DISP2: variants seen among roughly 807,000 people sequenced by gnomAD.
DISP2 encodes the protein protein dispatched homolog 2.
Under a neutral mutation model 95.5 loss-of-function variants are expected in DISP2, and 59 were observed. That is an observed-to-expected ratio of 0.62 (90% CI 0.50 to 0.77). DISP2 has a LOEUF of 0.77. Ranked by LOEUF, DISP2 falls within the 30% of genes least tolerant of loss-of-function variation. DISP2 has a pLI of 0.00. For synonymous variants in DISP2, 827 were observed against 815.0 expected (o/e 1.01, Z -0.25); for missense variants, 1,752 against 1,854.6 (o/e 0.94, Z 1.02).
In DISP2 at chr15:40,358,358, G is replaced by A; in HGVS notation, c.37G>A (p.Gly13Ser). Residue 13 changes from glycine (G) to serine (S), a missense_variant, in exon 1 of 8, where the codon GGT becomes AGT. Gly to Ser is a moderately conservative substitution (Grantham distance 56). This residue lies in a region of DISP2 where 342 missense variants were observed against 364.3 expected (regional missense o/e 0.94). Coordinates refer to ENST00000267889, the MANE Select transcript of DISP2 (RefSeq NM_033510.3). The stretch of plus-strand genomic sequence containing the variant: ...CAGCAGCAGCAGCAGCGGCGGCAGC[G>A]GTCCGGCTCCCGGCCCGGGTCCGGA... ...GDSSSSSGGSGPAPGPGPEGE... is the reference protein window; with the variant it reads ...GDSSSSSGGSSPAPGPGPEGE... 1 of 1,385,002 alleles carries A rather than the reference G, an allele frequency of 7.2e-7. No homozygotes were observed. 85.8% of individuals were successfully genotyped at this position (1,385,002 alleles called of 1,614,324 possible).
chr15:40,374,100 T>C lies in DISP2; in HGVS notation c.*3782T>C, dbSNP rs1889693392. The C allele has an allele frequency of 6.6e-6, 1 of 150,754 alleles. No individual in the cohort carries two copies. The allele number at this position is 150,754 out of a possible 1,614,324, so 9.3% of individuals were successfully genotyped here. On this transcript the variant is annotated 3_prime_UTR_variant, in exon 8 of 8. Transcript: ENST00000267889. ...CATGGCTGTGGTGATTTGGGGACTT[T>C]TAGAGTGACAGTGTTAGACAGACTG...
Position 40,367,942 on chromosome 15 carries a change from C to T in DISP2, c.1830C>T (p.Ser610=). The T allele has an allele frequency of 6.3e-7, 1 of 1,587,040 alleles. No homozygotes were observed. The change falls in exon 8 of 8, where the codon AGC becomes AGT. Residue 610 remains serine, a synonymous_variant. Coordinates refer to ENST00000267889, the MANE Select transcript of DISP2 (RefSeq NM_033510.3). Reference sequence around the variant, plus strand: ...CGGCCTTCTATGCCAGCTACCTGAGCCGCCTGCCGGCCGTTCGCTGCCTCG... The same window carrying T: ...CGGCCTTCTATGCCAGCTACCTGAGTCGCCTGCCGGCCGTTCGCTGCCTCG... ...TSAAFYASYL[S]RLPAVRCLAL...
chr15:40,360,779 A>G, intron 1 of DISP2, among the ~76,000 whole-genome samples: 1 of 152,192 alleles, frequency 6.6e-6, no homozygotes, highest in Non-Finnish European at 1.5e-5. Context: ...GTGATCAGTT[A>G]TCTAAGGCCA....
Position 40,368,345 on chromosome 15 carries a change from C to T in DISP2, c.2233C>T (p.Pro745Ser), listed in dbSNP as rs1322899445. The change falls in exon 8 of 8, where the codon CCC (proline) becomes TCC (serine). Residue 745 changes from proline to serine, a missense_variant. This residue lies in a region of DISP2 where 732 missense variants were observed against 714.6 expected (regional missense o/e 1.02). Coordinates refer to ENST00000267889, the MANE Select transcript of DISP2 (RefSeq NM_033510.3). ...CGGCCAGGTCTTCCGGCCCAGCCACCCCTTCGAGCGCTTCGACGCGGAGTA... is the reference window on the plus strand; with the variant it reads ...CGGCCAGGTCTTCCGGCCCAGCCACTCCTTCGAGCGCTTCGACGCGGAGTA... ...PGGQVFRPSHPFERFDAEYRQ... is the reference protein window; with the variant it reads ...PGGQVFRPSHSFERFDAEYRQ... 2 of 1,605,108 alleles carry T rather than the reference C, an allele frequency of 1.2e-6. No homozygotes were observed. Among genetic ancestry groups the T allele is most frequent in the Middle Eastern group, 1.7e-4 (1 of 6,038 alleles).
rs756435855 is a variant in DISP2 at position 40,374,119 on chromosome 15, C to G, written c.*3801C>G. 1 of 150,546 alleles carries G rather than the reference C, an allele frequency of 6.6e-6. No homozygotes were observed. Among genetic ancestry groups the G allele is most frequent in the Non-Finnish European group, 1.5e-5 (1 of 67,760 alleles). The allele number at this position is 150,546 out of a possible 1,614,324, so 9.3% of individuals were successfully genotyped here. On this transcript the variant is annotated 3_prime_UTR_variant, in exon 8 of 8. Transcript: ENST00000267889. Reference sequence around the variant, plus strand: ...GGACTTTTAGAGTGACAGTGTTAGACAGACTGATTTTATTGGCTGAATCTT... The same window carrying G: ...GGACTTTTAGAGTGACAGTGTTAGAGAGACTGATTTTATTGGCTGAATCTT...
rs1889586404 is a variant in DISP2, at chr15:40,369,310, G to A, written c.3198G>A (p.Gly1066=). 6.2e-7 allele frequency: 1 copy of A among 1,613,632 alleles called. No individual in the cohort carries two copies. Among genetic ancestry groups the A allele is most frequent in the African/African-American group, 1.3e-5 (1 of 75,064 alleles). Residue 1066 remains glycine, a synonymous_variant, in exon 8 of 8, where the codon GGG becomes GGA. Transcript: ENST00000267889. ...AGACCAGCTGCGCCACAGCCGTGGG[G>A]GCTGCAGCCCTGTTTGCGGCAGGCG... ...LRQTSCATAV[G]AAALFAAGVL...
rs369704235 is a variant in DISP2, at chr15:40,364,974, C to T, written c.719+21C>T. On this transcript the variant is annotated intron_variant, in intron 5 of 7. Coordinates refer to ENST00000267889, the MANE Select transcript of DISP2 (RefSeq NM_033510.3). ...AACAGGTAACAGGCTCTCATCTTTT[C>T]ACTGTGGGTGGCAGAGGGAAGAATG... is the stretch of plus-strand genomic sequence containing the variant. 265 of 1,612,662 alleles carry T rather than the reference C, an allele frequency of 1.6e-4. No homozygotes were observed. The African/African-American group carries it at 3.3e-3, about 20-fold the overall frequency.
chr15:40,365,578 A>G (rs1197129335), intron 6 of DISP2, 50 bp from the exon 7 acceptor site: 3 of 1,603,120 alleles, frequency 1.9e-6, no homozygotes, highest in Non-Finnish European at 1.7e-6. Flanking sequence ...TGGAGGACCC[A>G]GGACCTGGGG....
chr15:40,376,909 G>C lies in DISP2; in HGVS notation c.*6591G>C, dbSNP rs926807659. The stretch of plus-strand genomic sequence containing the variant: ...GGAAAAATAAAATCAGACTTTTTCT[G>C]TTAGAAGGTCAGAATTGGCTCACAG... On this transcript the variant is annotated 3_prime_UTR_variant, in exon 8 of 8. Coordinates refer to ENST00000267889, the MANE Select transcript of DISP2 (RefSeq NM_033510.3). 3 of 152,244 alleles carry C rather than the reference G, an allele frequency of 2.0e-5. No homozygotes were observed. The highest frequency in any genetic ancestry group is 2.9e-5 in the Non-Finnish European group (2 of 68,048). 9.4% of individuals were successfully genotyped at this position (152,244 alleles called of 1,614,324 possible). A position where few individuals can be genotyped will look rare whatever the true frequency, so the allele number is the denominator to read the frequency against.
At position 40,369,831 on chromosome 15, in the gene DISP2, C is replaced by T; in HGVS notation, c.3719C>T (p.Ala1240Val). ...ALQTSSPYKQAGPSPKTRARQ... is the reference protein window; with the variant it reads ...ALQTSSPYKQVGPSPKTRARQ... ...CAGACCTCCTCCCCCTATAAGCAGG[C>T]TGGCCCCAGCCCCAAAACCCGGGCC... Residue 1240 changes from alanine to valine, a missense_variant, in exon 8 of 8, where the codon GCT becomes GTT. Transcript: ENST00000267889. 1 of 1,579,864 alleles carries T rather than the reference C, an allele frequency of 6.3e-7. No homozygotes were observed.
rs1168211606 is a variant in DISP2 at position 40,372,674 on chromosome 15, T to C, written c.*2356T>C. 1.3e-5 allele frequency: 2 copies of C among 152,256 alleles called. No individual in the cohort carries two copies. Among genetic ancestry groups the C allele is most frequent in the African/African-American group, 2.4e-5 (1 of 41,474 alleles). The allele number at this position is 152,256 out of a possible 1,614,324, so 9.4% of individuals were successfully genotyped here. A position where few individuals can be genotyped will look rare whatever the true frequency, so the allele number is the denominator to read the frequency against. Reference sequence around the variant, plus strand: ...TCATCAGCCCTGGTTTCTCTGATAATGGTGTCCCTCTGTCATCATGCAGCC... The same window carrying C: ...TCATCAGCCCTGGTTTCTCTGATAACGGTGTCCCTCTGTCATCATGCAGCC... On this transcript the variant is annotated 3_prime_UTR_variant, in exon 8 of 8. Transcript: ENST00000267889.
chr15:40,364,876 A>T lies in DISP2; in HGVS notation c.642A>T (p.Leu214Phe). ...EPRDTDIGSKLVVWRALQALT... is the reference protein window; with the variant it reads ...EPRDTDIGSKFVVWRALQALT... ...GGGACACAGACATTGGGAGCAAGTT[A>T]GTGGTCTGGAGAGCACTACAAGCCC... The change falls in exon 5 of 8, where the codon TTA (leucine) becomes TTT (phenylalanine). Residue 214 changes from leucine (L) to phenylalanine (F), a missense_variant. By Grantham distance (22) the Leu-to-Phe change is conservative. Around this residue, in one of 5 missense-constraint regions of DISP2, gnomAD observed 342 missense variants for 364.3 expected, o/e 0.94. Transcript: ENST00000267889. 1 of 1,614,132 alleles carries T rather than the reference A, an allele frequency of 6.2e-7. No individual in the cohort carries two copies. Among genetic ancestry groups the T allele is most frequent in the Non-Finnish European group, 8.5e-7 (1 of 1,179,980 alleles).
In DISP2 at chr15:40,376,164, A is replaced by T. The variant is rs1005457085; in HGVS notation, c.*5846A>T. The T allele has an allele frequency of 2.6e-5, 4 of 152,106 alleles. No homozygotes were observed. Among genetic ancestry groups the T allele is most frequent in the Admixed American group, 2.0e-4 (3 of 15,290 alleles). 9.4% of individuals were successfully genotyped at this position (152,106 alleles called of 1,614,324 possible). A position where few individuals can be genotyped will look rare whatever the true frequency, so the allele number is the denominator to read the frequency against. On this transcript the variant is annotated 3_prime_UTR_variant, in exon 8 of 8. Coordinates refer to ENST00000267889, the MANE Select transcript of DISP2 (RefSeq NM_033510.3). ...TATTAAAAAGGAAAAAATAATAAAA[A>T]TTTTTAAAAATAATTCAACTTCAGG... is the stretch of plus-strand genomic sequence containing the variant.
At position 40,370,308 on chromosome 15, in the gene DISP2, A is replaced by C; in HGVS notation, c.4196A>C (p.Tyr1399Ser). 1 of 1,530,858 alleles carries C rather than the reference A, an allele frequency of 6.5e-7. No homozygotes were observed. Among genetic ancestry groups the C allele is most frequent in the Non-Finnish European group, 8.8e-7 (1 of 1,138,522 alleles). The allele number at this position is 1,530,858 out of a possible 1,614,324, so 94.8% of individuals were successfully genotyped here. Residue 1399 changes from tyrosine to serine, a missense_variant, in exon 8 of 8, where the codon TAT (tyrosine) becomes TCT (serine). Coordinates refer to ENST00000267889, the MANE Select transcript of DISP2 (RefSeq NM_033510.3). ...AGGCCCAGCACTCACACGTCAGGCT[A>C]TAGCAGCTGAGGGGGACCCGGGGAG... ...LRRPSTHTSGYSS is the reference protein window; with the variant it reads ...LRRPSTHTSGSSS
rs1245282039 is a variant in DISP2, at chr15:40,376,756, A to AATCACATT, written c.*6441_*6448dup. 1.3e-5 allele frequency: 2 copies of AATCACATT among 152,178 alleles called. No homozygotes were observed. The highest frequency in any genetic ancestry group is 2.9e-5 in the Non-Finnish European group (2 of 68,032). 9.4% of individuals were successfully genotyped at this position (152,178 alleles called of 1,614,324 possible). A position where few individuals can be genotyped will look rare whatever the true frequency, so the allele number is the denominator to read the frequency against. On this transcript the variant is annotated 3_prime_UTR_variant, in exon 8 of 8. Coordinates refer to ENST00000267889, the MANE Select transcript of DISP2 (RefSeq NM_033510.3). ...GGAGTTCGAGGTTACAGTGAGCCAT[A>AATCACATT]ATCACATTATGGCACTCCAGCCTGG... is the stretch of plus-strand genomic sequence containing the variant.
At chr15:40,360,386 C>T (rs185041003) in intron 1 of DISP2, among the ~76,000 whole-genome samples, 182 of 152,238 alleles carry the variant, frequency 1.2e-3, no homozygotes, top group African/African-American at 4.3e-3. Context: ...CGGTTTTTCT[C>T]ATGGGAGTTT....
At position 40,368,520 on chromosome 15, in the gene DISP2, C is replaced by G; in HGVS notation, c.2408C>G (p.Ala803Gly). 6.2e-7 allele frequency: 1 copy of G among 1,606,120 alleles called. No homozygotes were observed. The highest frequency in any genetic ancestry group is 8.5e-7 in the Non-Finnish European group (1 of 1,179,892). Residue 803 changes from alanine (A) to glycine (G), a missense_variant, in exon 8 of 8, where the codon GCC becomes GGC. Physicochemically the swap from Ala to Gly is moderately conservative, Grantham distance 60. Around this residue, in one of 5 missense-constraint regions of DISP2, gnomAD observed 732 missense variants for 714.6 expected, o/e 1.02. Transcript: ENST00000267889. ...SSLVRDPAFS[A>G]SGPEAQRWLL... ...CTGGTGAGGGACCCTGCCTTCTCGG[C>G]CAGCGGCCCTGAGGCCCAGCGCTGG... is the stretch of plus-strand genomic sequence containing the variant.
At chr15:40,364,288 T>C in intron 3 of DISP2, 33 bp downstream of exon 3, 1 of 1,613,988 alleles carries the variant, frequency 6.2e-7, no homozygotes, top group South Asian at 1.1e-5. Flanking sequence ...CCTCTAGGGG[T>C]GACCAGGCTG....
At chr15:40,362,201 T>C (rs1299239348) in intron 1 of DISP2, among the ~76,000 whole-genome samples, 1 of 152,228 alleles carries the variant, frequency 6.6e-6, no homozygotes, top group Non-Finnish European at 1.5e-5. Context: ...AAGCAAATCT[T>C]CTGCTCCGTG....
Sources: gnomAD v4.1 joint callset for allele counts (sites outside exome capture counted in the v4.1 genomes callset) on GRCh38, gnomAD v4.1.1 for gene constraint, gnomAD v4.1.1 regional missense constraint, MANE v1.5 for transcripts, NCBI Gene and HGNC (gene_info 2026-07-23, HGNC 2026-07-21) for gene names.